Variants in SLC16A1 observed in about 807,000 individuals in gnomAD.
SLC16A1 encodes solute carrier family 16 member 1.
Under a neutral mutation model 32.2 loss-of-function variants are expected in SLC16A1, and 11 were observed. The ratio of observed to expected loss-of-function variants is 0.34; its 90% CI spans 0.21 to 0.56. SLC16A1 has a LOEUF of 0.56. SLC16A1 is among the 20% of genes least tolerant of loss of function. The pLI is 0.87. For synonymous variants in SLC16A1, 231 were observed against 226.8 expected, an observed-to-expected ratio of 1.02 and a Z score of -0.17; for missense variants, 435 against 615.0, an observed-to-expected ratio of 0.71 and a Z score of 3.10.
At chr1:112,926,728 G>A (rs1052138625) in intron 2 of SLC16A1, among the ~76,000 whole-genome samples, 1 of 151,790 alleles carries the variant, frequency 6.6e-6, no homozygotes, top group Admixed American at 6.6e-5. Flanking sequence ...ACAAAAATTA[G>A]CCGAGTGTGG....
intron 4 of SLC16A1, among the ~76,000 whole-genome samples, chr1:112,916,922 C>T (rs1648532064): frequency 6.6e-6 from 1 of 152,022 alleles, no homozygotes; most frequent in African/African-American, 2.4e-5. Context: ...GAGCAAGACT[C>T]CATCTCAAAA....
chr1:112,921,582 T>A (rs1258874528), intron 3 of SLC16A1, among the ~76,000 whole-genome samples: 1 of 152,202 alleles, frequency 6.6e-6, no homozygotes, highest in East Asian at 1.9e-4. Context: ...ATTATGCTCA[T>A]CAACAGTTCA....
At chr1:112,916,289 T>C (rs1648502163) in intron 4 of SLC16A1, among the ~76,000 whole-genome samples, 1 of 150,722 alleles carries the variant, frequency 6.6e-6, no homozygotes, top group African/African-American at 2.4e-5. Context: ...CACCTGAGGT[T>C]AGGAGTTCAA....
chr1:112,952,242 G>A (rs1402463412), intron 1 of SLC16A1, among the ~76,000 whole-genome samples: 1 of 152,204 alleles, frequency 6.6e-6, no homozygotes, highest in African/African-American at 2.4e-5. Flanking sequence ...GAGGAAAAAT[G>A]GCCTGGTTCC....
chr1:112,944,633 A>G (rs1275927500), intron 1 of SLC16A1, among the ~76,000 whole-genome samples: 2 of 152,252 alleles, frequency 1.3e-5, no homozygotes, highest in East Asian at 3.8e-4. Flanking sequence ...CATGCATATG[A>G]ATAAACATAA....
chr1:112,926,292 C>T (rs1376216279), intron 2 of SLC16A1, among the ~76,000 whole-genome samples: 2 of 152,220 alleles, frequency 1.3e-5, no homozygotes, highest in Admixed American at 1.3e-4. Flanking sequence ...TAAGGTGCTA[C>T]ATCAAGAACT....
intron 1 of SLC16A1, among the ~76,000 whole-genome samples, chr1:112,953,310 T>C (rs1649963738): frequency 1.3e-5 from 2 of 152,092 alleles, no homozygotes; most frequent in East Asian, 3.9e-4. Context: ...TACAGAAGCA[T>C]GCCACCATGC....
intron 1 of SLC16A1, among the ~76,000 whole-genome samples, chr1:112,953,969 T>G (rs1295202352): frequency 6.6e-6 from 1 of 152,256 alleles, no homozygotes; most frequent in Non-Finnish European, 1.5e-5. Flanking sequence ...TATATTTATC[T>G]GTTTTCCAGC....
At chr1:112,939,232 G>GT (rs765686698) in intron 1 of SLC16A1, among the ~76,000 whole-genome samples, 1 of 152,162 alleles carries the variant, frequency 6.6e-6, no homozygotes. Context: ...CAAAGAACAA[G>GT]AATTGGTAAG....
intron 1 of SLC16A1, among the ~76,000 whole-genome samples, chr1:112,934,915 C>G (rs370746569): frequency 6.6e-6 from 1 of 152,136 alleles, no homozygotes; most frequent in Non-Finnish European, 1.5e-5. Context: ...ACCAATTAAC[C>G]GTGAGCAAAC....
chr1:112,923,492 G>A, intron 2 of SLC16A1: 1 of 892,954 alleles, frequency 1.1e-6, no homozygotes, highest in Non-Finnish European at 1.9e-6. Context: ...CCTTCCTGGA[G>A]CACGGCCACA....
At chr1:112,932,292 TGGAA>T (rs1649160023) in intron 1 of SLC16A1, among the ~76,000 whole-genome samples, 1 of 152,212 alleles carries the variant, frequency 6.6e-6, no homozygotes, top group Non-Finnish European at 1.5e-5. Flanking sequence ...TCCAATGCTT[TGGAA>T]GACCAATGTA....
intron 2 of SLC16A1, among the ~76,000 whole-genome samples, chr1:112,925,539 G>A (rs143765788): frequency 3.0e-3 from 454 of 151,604 alleles, no homozygotes; most frequent in Non-Finnish European, 5.0e-3. Flanking sequence ...CCACCGTGCC[G>A]GGCTAATTTT....
Position 112,917,786 on chromosome 1 carries a change from T to C in SLC16A1, c.620A>G (p.Lys207Arg). The C allele has an allele frequency of 6.2e-7, 1 of 1,614,252 alleles. No homozygotes were observed. Among genetic ancestry groups the C allele is most frequent in the Middle Eastern group, 1.6e-4 (1 of 6,062 alleles). ...CTCAAGGGATGCTTTAGACTTATCT[T>C]TCCCTGCCTTGGTTGGCTTGGGCCC... ...PIGPKPTKAGKDKSKASLEKA... is the reference protein window; with the variant it reads ...PIGPKPTKAGRDKSKASLEKA... Residue 207 changes from lysine to arginine, a missense_variant, in exon 4 of 5, where the codon AAA becomes AGA. Coordinates refer to ENST00000369626, the MANE Select transcript of SLC16A1 (RefSeq NM_003051.4). The surrounding 1 kb of genome is among the most constrained non-coding windows in gnomAD (Gnocchi z 4.1).
rs1214223609 is a variant in SLC16A1, at chr1:112,929,319, G to T, written c.-11C>A. On this transcript the variant is annotated 5_prime_UTR_variant, in exon 2 of 5. Transcript: ENST00000369626. ...AACTGCTGGTGGCATTTTAAGTGTA[G>T]ATAAATTCCAAAATGCAGGTCAAAT... The T allele has an allele frequency of 1.2e-6, 2 of 1,610,964 alleles. No individual in the cohort carries two copies. Among genetic ancestry groups the T allele is most frequent in the Non-Finnish European group, 1.7e-6 (2 of 1,177,832 alleles).
chr1:112,938,991 A>C (rs566995212), intron 1 of SLC16A1, among the ~76,000 whole-genome samples: 14 of 151,806 alleles, frequency 9.2e-5, no homozygotes, highest in Non-Finnish European at 1.6e-4. Flanking sequence ...TCCGGTTTCA[A>C]ACGATTCTCC....
At chr1:112,918,067 A>T (rs767307620) in intron 3 of SLC16A1, 23 bp from the exon 4 acceptor site, 1 of 992,108 alleles carries the variant, frequency 1.0e-6, no homozygotes, top group South Asian at 4.0e-5. Flanking sequence ...TAAATAAATA[A>T]ATAAATAAAT....
chr1:112,947,344 T>C (rs1307716742), intron 1 of SLC16A1, among the ~76,000 whole-genome samples: 1 of 152,210 alleles, frequency 6.6e-6, no homozygotes, highest in East Asian at 1.9e-4. Flanking sequence ...TTATGTTACT[T>C]TGAATGTAAA....
Position 112,919,404 on chromosome 1 carries a change from T to A in SLC16A1, c.362-1360A>T, listed in dbSNP as rs148891751. Among the ~76,000 whole-genome samples the A allele has an allele frequency of 2.0e-5, 3 of 152,186 alleles. No homozygotes were observed. The South Asian group carries it at 6.2e-4, about 32-fold the overall frequency. On this transcript the variant is annotated intron_variant, in intron 3 of 4. Transcript: ENST00000369626. ...TTACTTTCGGATTAAGGTAAATGAT[T>A]CTAAAGGATACTTACAGAACAAATA...
Sources: allele counts gnomAD v4.1 joint callset (sites outside exome capture counted in the v4.1 genomes callset), GRCh38; gene constraint gnomAD v4.1.1; non-coding constraint Gnocchi (gnomAD v3.1); transcripts MANE v1.5; gene names NCBI Gene and HGNC (gene_info 2026-07-23, HGNC 2026-07-21).